The following SPATA6 variants were observed in gnomAD, a reference collection of about 807,000 sequenced individuals.
The protein encoded by SPATA6 is spermatogenesis associated 6, also known as spermatogenesis-associated protein 6.
In SPATA6, 56 loss-of-function variants were observed where a neutral mutation model predicts 65.3. The ratio of observed to expected loss-of-function variants is 0.86; its 90% CI spans 0.69 to 1.07. The LOEUF (loss-of-function observed/expected upper bound fraction) is 1.07. Among genes scored for constraint, SPATA6 ranks in the 50% least tolerant of loss-of-function variants. SPATA6 has a pLI of 0.00. For synonymous variants in SPATA6, 199 were observed against 213.2 expected (o/e 0.93, Z 0.58); for missense variants, 590 against 594.8 (o/e 0.99, Z 0.08).
chr1:48,311,398 T>A (rs970559263), intron 11 of SPATA6, among the ~76,000 whole-genome samples: 2 of 151,898 alleles, frequency 1.3e-5, no homozygotes, highest in Admixed American at 1.3e-4. Context: ...AATAAGGAAA[T>A]GCATGAAATA....
chr1:48,412,593 T>G lies in SPATA6; in HGVS notation c.280+517A>C, dbSNP rs528146721. ...TAGATCAACAATAGAAATCTGACAC[T>G]GTTCTCAACTTGGGAAGAGGAGGAT... is the stretch of plus-strand genomic sequence containing the variant. On this transcript the variant is annotated intron_variant, in intron 4 of 12. Coordinates refer to ENST00000371847, the MANE Select transcript of SPATA6 (RefSeq NM_019073.4). 1.6e-4 allele frequency among the ~76,000 whole-genome samples: 24 copies of G among 152,350 alleles called. 1 individual carries two copies. Among genetic ancestry groups the G allele is most frequent in the Admixed American group, 1.3e-3 (20 of 15,302 alleles).
At chr1:48,411,616 A>C (rs748768636) in intron 4 of SPATA6, 28 bp from the exon 5 acceptor site, 1 of 1,499,280 alleles carries the variant, frequency 6.7e-7, no homozygotes, top group South Asian at 1.5e-5. Context: ...TATGATTCAA[A>C]TTATAATAAA....
At chr1:48,431,181 T>G (rs1041705028) in intron 3 of SPATA6, among the ~76,000 whole-genome samples, 1 of 151,996 alleles carries the variant, frequency 6.6e-6, no homozygotes, top group Non-Finnish European at 1.5e-5. Context: ...AAAAGAGCAT[T>G]ACATATTAAT....
intron 7 of SPATA6, among the ~76,000 whole-genome samples, chr1:48,395,851 A>C (rs1650535751): frequency 6.6e-6 from 1 of 151,870 alleles, no homozygotes; most frequent in Non-Finnish European, 1.5e-5. Flanking sequence ...AGAATGATAC[A>C]AATGTATAAA....
chr1:48,387,445 G>C (rs546563185), intron 8 of SPATA6, among the ~76,000 whole-genome samples: 1 of 152,178 alleles, frequency 6.6e-6, no homozygotes, highest in South Asian at 2.1e-4. Context: ...GCTGAGGTAC[G>C]AGTGGTATAC....
chr1:48,400,011 G>C (rs1294706916), intron 6 of SPATA6, among the ~76,000 whole-genome samples: 1 of 151,790 alleles, frequency 6.6e-6, no homozygotes, highest in Non-Finnish European at 1.5e-5. Context: ...CGTGTAATTG[G>C]CTATATAAGA....
At chr1:48,314,847 AT>A (rs1645355659) in intron 11 of SPATA6, among the ~76,000 whole-genome samples, 3 of 152,136 alleles carry the variant, frequency 2.0e-5, no homozygotes, top group South Asian at 4.1e-4. Context: ...CAATAAAAAA[AT>A]GATAAAGGGG....
Position 48,369,231 on chromosome 1 carries a change from C to T in SPATA6, c.910-9461G>A, listed in dbSNP as rs909922346. On this transcript the variant is annotated intron_variant, in intron 9 of 12. Transcript: ENST00000371847. ...GGAGGTGCCTCCCAGTTAGGCTGCT[C>T]GGGTGTCAGGGACCCACTTAAGGAG... Among the ~76,000 whole-genome samples, 18 of 152,168 alleles carry T rather than the reference C, an allele frequency of 1.2e-4. No homozygotes were observed. In the East Asian group the frequency reaches 1.9e-3, roughly 16 times the overall value.
intron 11 of SPATA6, chr1:48,325,506 T>A (rs1426462200): frequency 4.9e-6 from 6 of 1,234,228 alleles, no homozygotes; most frequent in Non-Finnish European, 7.2e-6. Flanking sequence ...GATGATCTCA[T>A]CATCCTCACT....
chr1:48,268,304 ATG>A, the SPATA6 span, among the ~76,000 whole-genome samples: 18,932 of 149,088 alleles, frequency 0.13, 1,206 homozygotes, highest in African/African-American at 0.15. Context: ...AAATAAAAAT[ATG>A]TGTGTGTGTG....
intron 9 of SPATA6, among the ~76,000 whole-genome samples, chr1:48,378,511 C>G (rs1382695540): frequency 6.6e-6 from 1 of 152,126 alleles, no homozygotes; most frequent in Admixed American, 6.5e-5. Flanking sequence ...TTTAATTGGA[C>G]TTACAGTTCC....
chr1:48,424,155 C>G (rs967088044), intron 3 of SPATA6, among the ~76,000 whole-genome samples: 3 of 152,162 alleles, frequency 2.0e-5, no homozygotes, highest in Admixed American at 6.5e-5. Context: ...CTGCTACTAT[C>G]CTTCCCAGCC....
intron 3 of SPATA6, among the ~76,000 whole-genome samples, chr1:48,419,615 T>C (rs1339438876): frequency 6.6e-6 from 1 of 152,098 alleles, no homozygotes; most frequent in African/African-American, 2.4e-5. Flanking sequence ...AGAAACCTCA[T>C]CCTGTAAGAC....
intron 3 of SPATA6, among the ~76,000 whole-genome samples, chr1:48,428,556 G>C (rs1654061198): frequency 6.6e-6 from 1 of 152,058 alleles, no homozygotes; most frequent in African/African-American, 2.4e-5. Context: ...AATCATAAGG[G>C]AGAGAAAATA....
At chr1:48,440,742 G>A (rs1223275822) in intron 3 of SPATA6, among the ~76,000 whole-genome samples, 1 of 152,162 alleles carries the variant, frequency 6.6e-6, no homozygotes, top group East Asian at 1.9e-4. Flanking sequence ...CTCACTTGAG[G>A]ATCAACTGAT....
intron 3 of SPATA6, among the ~76,000 whole-genome samples, chr1:48,445,373 C>G (rs112184741): frequency 0.055 from 8,297 of 152,200 alleles, 337 homozygotes; most frequent in African/African-American, 0.1. Flanking sequence ...TCTTAAAAAG[C>G]TAACACATGG....
chr1:48,341,023 A>T (rs1375527198), intron 11 of SPATA6, among the ~76,000 whole-genome samples: 1 of 152,218 alleles, frequency 6.6e-6, no homozygotes, highest in Non-Finnish European at 1.5e-5. Flanking sequence ...ACCACGACAC[A>T]TTATCAATTC....
chr1:48,317,357 A>G (rs1325754075), intron 11 of SPATA6, among the ~76,000 whole-genome samples: 2 of 152,224 alleles, frequency 1.3e-5, no homozygotes, highest in Admixed American at 1.3e-4. Context: ...ATAAAAAATG[A>G]TGAGTTCATG....
chr1:48,371,410 CA>C (rs1458551361), intron 9 of SPATA6, among the ~76,000 whole-genome samples: 1 of 152,124 alleles, frequency 6.6e-6, no homozygotes, highest in African/African-American at 2.4e-5. Context: ...TTATTTACTG[CA>C]TATAATATTT....
Sources: gnomAD v4.1 joint callset for allele counts (sites outside exome capture counted in the v4.1 genomes callset) on GRCh38, gnomAD v4.1.1 for gene constraint, MANE v1.5 for transcripts, NCBI Gene and HGNC (gene_info 2026-07-23, HGNC 2026-07-21) for gene names.